Variants in NTN1 observed in about 807,000 individuals in gnomAD.
NTN1 encodes netrin 1.
NTN1 carries 11 observed loss-of-function variants against 54.2 expected under a neutral mutation model. The ratio of observed to expected loss-of-function variants is 0.20; its 90% CI spans 0.13 to 0.34. The LOEUF is 0.34. Among genes scored for constraint, NTN1 ranks in the 10% least tolerant of loss-of-function variants. The pLI is 1.00. For missense variants in NTN1, 740 were observed against 893.1 expected (o/e 0.83, Z 2.18); for synonymous variants, 371 against 382.0 (o/e 0.97, Z 0.33).
chr17:9,124,867 TCA>T (rs2092241389), intron 2 of NTN1, among the ~76,000 whole-genome samples: 1 of 152,208 alleles, frequency 6.6e-6, no homozygotes, highest in Non-Finnish European at 1.5e-5. Flanking sequence ...TCTGTGTGCC[TCA>T]GTTTCCTCAT....
chr17:9,027,452 C>G (rs2091874898), intron 2 of NTN1, among the ~76,000 whole-genome samples: 1 of 152,100 alleles, frequency 6.6e-6, no homozygotes, highest in Non-Finnish European at 1.5e-5. Flanking sequence ...AGCTGGGACT[C>G]CAGCCTGACG....
At chr17:9,004,836 G>A in the NTN1 span, among the ~76,000 whole-genome samples, 1 of 152,224 alleles carries the variant, frequency 6.6e-6, no homozygotes. Flanking sequence ...GCTCTATGGC[G>A]AAATCTTAGC....
At chr17:9,170,311 A>G (rs2092384041) in intron 3 of NTN1, among the ~76,000 whole-genome samples, 1 of 152,180 alleles carries the variant, frequency 6.6e-6, no homozygotes, top group African/African-American at 2.4e-5. Flanking sequence ...GGCAGCTATT[A>G]TGATTATTTG....
chr17:9,004,964 T>C, the NTN1 span, among the ~76,000 whole-genome samples: 1 of 152,092 alleles, frequency 6.6e-6, no homozygotes, highest in Admixed American at 6.5e-5. Flanking sequence ...AACTTCTGAG[T>C]GGAAGTCATC....
rs755071386 is a variant in NTN1, at chr17:9,025,283, C to G, written c.1018+1892C>G. 5.3e-5 allele frequency among the ~76,000 whole-genome samples: 8 copies of G among 152,178 alleles called. 1 individual carries two copies. In the South Asian group the frequency reaches 1.2e-3, roughly 24 times the overall value. ...CGTTTGTTATAATGATGGTCATGCA[C>G]TTGAAATAATCTCTATAGTTTGGGA... On this transcript the variant is annotated intron_variant, in intron 2 of 6. Coordinates refer to ENST00000173229, the MANE Select transcript of NTN1 (RefSeq NM_004822.3).
chr17:9,055,302 T>A (rs922674305), intron 2 of NTN1, among the ~76,000 whole-genome samples: 3 of 152,234 alleles, frequency 2.0e-5, no homozygotes, highest in African/African-American at 4.8e-5. Flanking sequence ...CCAGGCAGAA[T>A]GCTAACCGCT....
At position 9,226,324 on chromosome 17, in the gene NTN1, G is replaced by A. The variant is rs140087077; in HGVS notation, c.1486+5082G>A. On this transcript the variant is annotated intron_variant, in intron 6 of 6. Coordinates refer to ENST00000173229, the MANE Select transcript of NTN1 (RefSeq NM_004822.3). ...GTTTCCTCATCTGTCACATGGAGGT[G>A]TAGTGGAGGGCACATGATATCCTTC... Among the ~76,000 whole-genome samples the A allele has an allele frequency of 3.7e-3, 563 of 152,280 alleles. 5 individuals are homozygous for A. The highest frequency in any genetic ancestry group is 0.014 in the Middle Eastern group (4 of 294).
At chr17:9,007,241 TTTCC>T in the NTN1 span, among the ~76,000 whole-genome samples, 3 of 151,564 alleles carry the variant, frequency 2.0e-5, no homozygotes, top group South Asian at 2.1e-4. Context: ...CTTTTCTTTC[TTTCC>T]TTCCTTCCTT....
At chr17:9,003,521 A>G in the NTN1 span, among the ~76,000 whole-genome samples, 3 of 149,034 alleles carry the variant, frequency 2.0e-5, no homozygotes, top group African/African-American at 4.9e-5. The surrounding 1 kb of genome is among the most constrained non-coding windows in gnomAD (Gnocchi z 7.4). Context: ...GGTCCTTTGT[A>G]GCCCGCTGGC....
At chr17:9,126,864 G>A (rs1002057540) in intron 2 of NTN1, among the ~76,000 whole-genome samples, 3 of 152,108 alleles carry the variant, frequency 2.0e-5, no homozygotes, top group Admixed American at 1.3e-4. Context: ...TTGGCAATGG[G>A]GAACCAGGAT....
At chr17:9,180,357 T>G (rs2142317128) in intron 4 of NTN1, among the ~76,000 whole-genome samples, 1 of 152,346 alleles carries the variant, frequency 6.6e-6, no homozygotes, top group East Asian at 1.9e-4. Flanking sequence ...GGGTTCTGTC[T>G]TCAATGTGCA....
intron 3 of NTN1, among the ~76,000 whole-genome samples, chr17:9,164,483 G>A (rs1253531689): frequency 6.6e-6 from 1 of 152,052 alleles, no homozygotes; most frequent in African/African-American, 2.4e-5. Context: ...ACAAAGTAGG[G>A]GGCTTCTTAT....
At position 9,022,434 on chromosome 17, in the gene NTN1, G is replaced by A. The variant is rs904264101; in HGVS notation, c.61G>A (p.Ala21Thr). The A allele has an allele frequency of 4.4e-6, 6 of 1,374,314 alleles. No individual in the cohort carries two copies. The African/African-American group carries it at 6.1e-5, about 14-fold the overall frequency. 85.1% of individuals were successfully genotyped at this position (1,374,314 alleles called of 1,614,324 possible). The change falls in exon 2 of 7, where the codon GCG (alanine) becomes ACG (threonine). Residue 21 changes from alanine to threonine, a missense_variant. Coordinates refer to ENST00000173229, the MANE Select transcript of NTN1 (RefSeq NM_004822.3). ...ALAAVACLVG[A>T]VRGGPGLSMF... ...GGCGGCGGTGGCGTGCCTGGTGGGC[G>A]CGGTGCGCGGCGGGCCCGGGCTCAG...
intron 6 of NTN1, among the ~76,000 whole-genome samples, chr17:9,224,432 G>A (rs1905465891): frequency 6.6e-6 from 1 of 152,198 alleles, no homozygotes; most frequent in Non-Finnish European, 1.5e-5. Context: ...TCTGTTCCCT[G>A]ACTCAGCCTT....
At chr17:9,214,785 G>T (rs1323996284) in intron 5 of NTN1, among the ~76,000 whole-genome samples, 1 of 152,166 alleles carries the variant, frequency 6.6e-6, no homozygotes, top group African/African-American at 2.4e-5. Context: ...TCACGCCACT[G>T]CACTCCAGCC....
intron 3 of NTN1, among the ~76,000 whole-genome samples, chr17:9,163,322 C>G (rs558745186): frequency 2.6e-5 from 4 of 152,290 alleles, no homozygotes; most frequent in South Asian, 4.1e-4. Flanking sequence ...TCCCCTCCCC[C>G]TCCTGGGCTT....
intron 2 of NTN1, among the ~76,000 whole-genome samples, chr17:9,038,352 A>T (rs960815667): frequency 6.8e-6 from 1 of 147,614 alleles, no homozygotes; most frequent in Non-Finnish European, 1.5e-5. Flanking sequence ...GACACTATTT[A>T]ATTTACTTAT....
At chr17:9,186,306 T>C (rs1436079124) in intron 5 of NTN1, among the ~76,000 whole-genome samples, 13 of 152,178 alleles carry the variant, frequency 8.5e-5, no homozygotes, top group Admixed American at 7.9e-4. Flanking sequence ...CCACTGCCCA[T>C]GGGCCTTCCA....
chr17:9,049,236 G>T (rs114522985), intron 2 of NTN1, among the ~76,000 whole-genome samples: 1,528 of 152,312 alleles, frequency 0.01, 27 homozygotes, highest in African/African-American at 0.032. Context: ...CTAAAGTTAG[G>T]GGGTAAAAAT....
Sources: gnomAD v4.1 joint callset for allele counts (sites outside exome capture counted in the v4.1 genomes callset) on GRCh38, gnomAD v4.1.1 for gene constraint, Gnocchi (gnomAD v3.1) non-coding constraint, MANE v1.5 for transcripts, NCBI Gene and HGNC (gene_info 2026-07-23, HGNC 2026-07-21) for gene names.